The following LRRC4C variants were observed in gnomAD, a reference collection of about 807,000 sequenced individuals.
LRRC4C encodes the protein leucine-rich repeat-containing protein 4C.
LRRC4C carries 5 observed loss-of-function variants against 33.6 expected under a neutral mutation model. The observed-to-expected ratio is 0.15, with a 90% CI of 0.08 to 0.31. The LOEUF (loss-of-function observed/expected upper bound fraction) is 0.31. LRRC4C is among the 10% of genes least tolerant of loss of function. The probability of loss-of-function intolerance (pLI) is 1.00; values close to 1 mark genes in which losing one functional copy is unlikely to be tolerated. For synonymous variants in LRRC4C, 329 were observed against 302.0 expected, an observed-to-expected ratio of 1.09 and a Z score of -0.93; for missense variants, 560 against 796.7, an observed-to-expected ratio of 0.70 and a Z score of 3.58.
chr11:40,382,684 A>AT (rs35200000), intron 3 of LRRC4C, among the ~76,000 whole-genome samples: 1,816 of 65,594 alleles, frequency 0.028, 284 homozygotes, highest in African/African-American at 0.049. Context: ...ACTTGTACTC[A>AT]TTTTTTTTTT....
chr11:40,115,626 C>T lies in LRRC4C; in HGVS notation c.667G>A (p.Glu223Lys). ...AAATGATTCCCAGAAAGATCCAGCT[C>T]ATCTAGTTTTATGAGCGGTGTGAGG... ...PNLTPLIKLD[E>K]LDLSGNHLSA... The change falls in exon 7 of 7, where the codon GAG becomes AAG. Residue 223 changes from glutamate to lysine, a missense_variant. Physicochemically the swap from Glu to Lys is moderately conservative, Grantham distance 56. Transcript: ENST00000528697. This position sits in a 1 kb window ranked among gnomAD's most constrained non-coding sequence, Gnocchi z 6.7. The T allele has an allele frequency of 6.2e-7, 1 of 1,614,186 alleles. No homozygotes were observed. The highest frequency in any genetic ancestry group is 8.5e-7 in the Non-Finnish European group (1 of 1,180,040).
intron 1 of LRRC4C, among the ~76,000 whole-genome samples, chr11:41,435,840 A>G (rs1044881035): frequency 1.3e-5 from 2 of 152,224 alleles, no homozygotes; most frequent in African/African-American, 4.8e-5. Flanking sequence ...ATTAAACATG[A>G]TTATTTAACA....
intron 2 of LRRC4C, among the ~76,000 whole-genome samples, chr11:40,831,765 T>C (rs926769942): frequency 2.0e-5 from 3 of 152,004 alleles, no homozygotes; most frequent in African/African-American, 7.2e-5. Flanking sequence ...AGGGGAACTG[T>C]CCTTTATAAA....
At chr11:40,349,684 C>T (rs1947299630) in intron 3 of LRRC4C, among the ~76,000 whole-genome samples, 1 of 152,090 alleles carries the variant, frequency 6.6e-6, no homozygotes, top group Non-Finnish European at 1.5e-5. Flanking sequence ...ATTTACATTC[C>T]AAACACCAGT....
chr11:41,251,453 T>G (rs2136645713), intron 1 of LRRC4C, among the ~76,000 whole-genome samples: 1 of 152,316 alleles, frequency 6.6e-6, no homozygotes, highest in Non-Finnish European at 1.5e-5. Flanking sequence ...AAAGTGTGTG[T>G]CCATTGTCAT....
intron 3 of LRRC4C, among the ~76,000 whole-genome samples, chr11:40,589,700 T>G (rs1024022285): frequency 6.6e-6 from 1 of 151,826 alleles, no homozygotes; most frequent in Admixed American, 6.6e-5. Context: ...CAGCATTTGC[T>G]TGTCTGTAAA....
intron 1 of LRRC4C, among the ~76,000 whole-genome samples, chr11:41,034,398 A>G (rs1161398220): frequency 2.0e-5 from 3 of 148,692 alleles, no homozygotes; most frequent in Non-Finnish European, 4.4e-5. Flanking sequence ...TGTTATAGGA[A>G]TGGAAAACAG....
intron 1 of LRRC4C, among the ~76,000 whole-genome samples, chr11:41,281,080 T>TCTCTCTCCC (rs1949656684): frequency 1.9e-5 from 2 of 104,500 alleles, no homozygotes; most frequent in African/African-American, 4.5e-5. Context: ...CTCTCTGTCC[T>TCTCTCTCCC]CTCTCTCTCT....
At chr11:40,577,832 C>CTTTTT (rs56061263) in intron 3 of LRRC4C, among the ~76,000 whole-genome samples, 20 of 119,344 alleles carry the variant, frequency 1.7e-4, no homozygotes, top group Non-Finnish European at 2.4e-4. Context: ...TTTCTTTTTT[C>CTTTTT]TTTTTTTTTT....
At chr11:40,876,112 T>C (rs1219811753) in intron 2 of LRRC4C, among the ~76,000 whole-genome samples, 1 of 152,152 alleles carries the variant, frequency 6.6e-6, no homozygotes, top group Non-Finnish European at 1.5e-5. Flanking sequence ...TAATTCAGAA[T>C]ATATGGAGAT....
At chr11:41,373,340 G>GCA in intron 1 of LRRC4C, among the ~76,000 whole-genome samples, 1 of 152,118 alleles carries the variant, frequency 6.6e-6, no homozygotes, top group African/African-American at 2.4e-5. Context: ...GCACATTTAT[G>GCA]CACATATATT....
At chr11:40,291,069 CT>C (rs1565236829) in intron 4 of LRRC4C, among the ~76,000 whole-genome samples, 1 of 152,006 alleles carries the variant, frequency 6.6e-6, no homozygotes, top group African/African-American at 2.4e-5. Flanking sequence ...CCTCAGTTTC[CT>C]TTTTTTATTG....
intron 2 of LRRC4C, among the ~76,000 whole-genome samples, chr11:40,780,787 G>C (rs1950181280): frequency 7.5e-6 from 1 of 133,352 alleles, no homozygotes; most frequent in South Asian, 2.3e-4. Context: ...CTGATAAGAG[G>C]CTTTTTTTTT....
At chr11:41,011,132 T>C (rs575993655) in intron 1 of LRRC4C, among the ~76,000 whole-genome samples, 10 of 152,290 alleles carry the variant, frequency 6.6e-5, no homozygotes, top group African/African-American at 1.2e-4. Context: ...AGAGGAAATA[T>C]CTGAAGTTGA....
chr11:41,038,718 A>G (rs1394988415), intron 1 of LRRC4C, among the ~76,000 whole-genome samples: 1 of 152,210 alleles, frequency 6.6e-6, no homozygotes, highest in East Asian at 1.9e-4. Context: ...TATATAAACT[A>G]GAAACATGTG....
At chr11:41,317,806 A>G (rs1222393324) in intron 1 of LRRC4C, among the ~76,000 whole-genome samples, 1 of 152,124 alleles carries the variant, frequency 6.6e-6, no homozygotes, top group Non-Finnish European at 1.5e-5. Flanking sequence ...CTGGAAGACA[A>G]TGTATGGTCA....
At chr11:40,732,702 CA>C (rs1947652147) in intron 2 of LRRC4C, among the ~76,000 whole-genome samples, 1 of 152,106 alleles carries the variant, frequency 6.6e-6, no homozygotes, top group Non-Finnish European at 1.5e-5. Flanking sequence ...TTTTGAGCTT[CA>C]AAAACTAACT....
intron 3 of LRRC4C, among the ~76,000 whole-genome samples, chr11:40,502,836 A>C (rs1371672): frequency 0.34 from 51,501 of 152,078 alleles, 10,522 homozygotes; most frequent in East Asian, 0.66. Context: ...TAGGTAAACA[A>C]TTTCTACTTA....
chr11:41,052,061 G>A (rs920688668), intron 1 of LRRC4C, among the ~76,000 whole-genome samples: 7 of 152,066 alleles, frequency 4.6e-5, no homozygotes, highest in African/African-American at 1.7e-4. Context: ...TCTGTACTGG[G>A]CAACACCATT....
Sources: gnomAD v4.1 joint callset for allele counts (sites outside exome capture counted in the v4.1 genomes callset) on GRCh38, gnomAD v4.1.1 for gene constraint, Gnocchi (gnomAD v3.1) non-coding constraint, MANE v1.5 for transcripts, NCBI Gene and HGNC (gene_info 2026-07-23, HGNC 2026-07-21) for gene names.